ANKMY1: variants seen among roughly 807,000 people sequenced by gnomAD.
ANKMY1 encodes the protein ankyrin repeat and MYND domain containing 1, also known as ankyrin repeat and MYND domain-containing protein 1.
ANKMY1 carries 98 observed loss-of-function variants against 102.0 expected under a neutral mutation model. The observed-to-expected ratio is 0.96, with a 90% CI of 0.82 to 1.14. The LOEUF is 1.14. ANKMY1 is among the 50% of genes most tolerant of loss of function. The pLI, the probability that ANKMY1 is intolerant of heterozygous loss-of-function variation, is 0.00. For missense variants in ANKMY1, 1,330 were observed against 1,347.6 expected (o/e 0.99, Z 0.20); for synonymous variants, 582 against 559.9 (o/e 1.04, Z -0.56).
At chr2:240,560,853 G>A (rs2092922184), upstream of ANKMY1, 3 of 1,393,556 alleles carry the variant, frequency 2.2e-6, no homozygotes, top group South Asian at 1.6e-5. Context: ...CCAGCAGCCC[G>A]GCCCGCGCGC....
At chr2:240,544,159 G>A (rs1041989504) in intron 4 of ANKMY1, among the ~76,000 whole-genome samples, 2 of 152,100 alleles carry the variant, frequency 1.3e-5, no homozygotes, top group African/African-American at 4.8e-5. Flanking sequence ...TTATGAATAT[G>A]AAGATATATA....
intron 4 of ANKMY1, among the ~76,000 whole-genome samples, chr2:240,552,245 C>T (rs1023208255): frequency 3.9e-5 from 6 of 152,310 alleles, no homozygotes; most frequent in Admixed American, 2.6e-4. Flanking sequence ...CTAGAGCGAA[C>T]CCCTGGTGTT....
At chr2:240,510,679 AG>A (rs1426026775) in intron 11 of ANKMY1, among the ~76,000 whole-genome samples, 1 of 152,060 alleles carries the variant, frequency 6.6e-6, no homozygotes, top group East Asian at 1.9e-4. Context: ...AAGTCTGCTG[AG>A]GGGCTCCTGG....
In ANKMY1 at chr2:240,479,548, G is replaced by C; in HGVS notation, c.*61C>G. 1 of 1,577,324 alleles carries C rather than the reference G, an allele frequency of 6.3e-7. No individual in the cohort carries two copies. The highest frequency in any genetic ancestry group is 8.7e-7 in the Non-Finnish European group (1 of 1,148,158). On this transcript the variant is annotated 3_prime_UTR_variant, in exon 18 of 18. Transcript: ENST00000401804. Reference sequence around the variant, plus strand: ...TGGAAGATTCCCTGAGGTGGCTCAGGCAGGTAAGAAACCCACACAGTCCTG... The same window carrying C: ...TGGAAGATTCCCTGAGGTGGCTCAGCCAGGTAAGAAACCCACACAGTCCTG...
chr2:240,527,629 G>C (rs1320609862), intron 5 of ANKMY1: 1 of 150,872 alleles, frequency 6.6e-6, no homozygotes, highest in Non-Finnish European at 1.5e-5. Flanking sequence ...TAAGTGGGTG[G>C]ACTGATGAAT....
upstream of ANKMY1, chr2:240,560,774 C>G (rs977795360): frequency 2.1e-6 from 3 of 1,455,578 alleles, no homozygotes; most frequent in African/African-American, 4.4e-5. Flanking sequence ...TCCTCGGGAG[C>G]GCGCGAGCCG....
chr2:240,514,275 C>T (rs1033581245), intron 9 of ANKMY1, among the ~76,000 whole-genome samples: 1 of 152,188 alleles, frequency 6.6e-6, no homozygotes, highest in Admixed American at 6.5e-5. Context: ...TCTAACGTCT[C>T]TCAGGTAGGA....
intron 15 of ANKMY1, among the ~76,000 whole-genome samples, chr2:240,497,385 TCTA>T (rs2077403251): frequency 6.6e-6 from 1 of 152,236 alleles, no homozygotes; most frequent in Non-Finnish European, 1.5e-5. Context: ...CATGCCCTCT[TCTA>T]CTGTGTTCTT....
chr2:240,501,534 G>A (rs2078180747), intron 13 of ANKMY1, among the ~76,000 whole-genome samples: 1 of 152,102 alleles, frequency 6.6e-6, no homozygotes, highest in Non-Finnish European at 1.5e-5. Flanking sequence ...AAGGCTCACT[G>A]CTGTGTGCGT....
upstream of ANKMY1, chr2:240,561,051 G>C (rs1023226275): frequency 6.6e-7 from 1 of 1,504,486 alleles, no homozygotes; most frequent in Non-Finnish European, 8.8e-7. Flanking sequence ...GCGGCACCGC[G>C]GCCTCAGCCT....
Position 240,529,250 on chromosome 2 carries a change from A to G in ANKMY1, c.740T>C (p.Phe247Ser), listed in dbSNP as rs200212292. Residue 247 changes from phenylalanine (F) to serine (S), a missense_variant, in exon 5 of 18, where the codon TTT becomes TCT. Physicochemically the swap from Phe to Ser is radical, Grantham distance 155. Coordinates refer to ENST00000401804, the MANE Select transcript of ANKMY1 (RefSeq NM_001282771.3). This position sits in a 1 kb window ranked among gnomAD's most constrained non-coding sequence, Gnocchi z 4.2. ...CAGCGTTAGGTTGTCATTCAGAAGA[A>G]ACCGCTTATAGTCATAGAAAAAGGG... ...QDPFFYDYKR[F>S]LLNDNLTLPP... 506 of 1,614,180 alleles carry G rather than the reference A, an allele frequency of 3.1e-4. 3 individuals are homozygous for G. Among genetic ancestry groups the G allele is most frequent in the Non-Finnish European group, 2.5e-5 (29 of 1,180,032 alleles).
chr2:240,474,463 A>T (rs2074728239), downstream of ANKMY1, among the ~76,000 whole-genome samples: 1 of 152,032 alleles, frequency 6.6e-6, no homozygotes, highest in Non-Finnish European at 1.5e-5. Flanking sequence ...CAAGTTTCTT[A>T]TATAGGTAAA....
intron 9 of ANKMY1, among the ~76,000 whole-genome samples, chr2:240,514,773 C>A (rs1451075423): frequency 6.6e-6 from 1 of 152,234 alleles, no homozygotes; most frequent in Non-Finnish European, 1.5e-5. Flanking sequence ...GGACTTGAAG[C>A]CACAACTGCG....
In ANKMY1 at chr2:240,520,637, GTA is replaced by G. The variant is rs2152319730; in HGVS notation, c.1833-106_1833-105del. 5.8e-6 allele frequency: 8 copies of G among 1,375,380 alleles called. No homozygotes were observed. The South Asian group carries it at 1.0e-4, about 17-fold the overall frequency. 85.2% of individuals were successfully genotyped at this position (1,375,380 alleles called of 1,614,324 possible). On this transcript the variant is annotated intron_variant, in intron 8 of 17. Transcript: ENST00000401804. This position sits in a 1 kb window ranked among gnomAD's most constrained non-coding sequence, Gnocchi z 4.8. The stretch of plus-strand genomic sequence containing the variant: ...GAGGCTGGGGAGGGGCGCGTAGGGA[GTA>G]TGTGTGTGCCGCAACTACACAATCA...
Position 240,479,510 on chromosome 2 carries a change from G to A in ANKMY1, c.*99C>T. 1 of 1,393,156 alleles carries A rather than the reference G, an allele frequency of 7.2e-7. No individual in the cohort carries two copies. Among genetic ancestry groups the A allele is most frequent in the African/African-American group, 1.4e-5 (1 of 70,424 alleles). 86.3% of individuals were successfully genotyped at this position (1,393,156 alleles called of 1,614,324 possible). On this transcript the variant is annotated 3_prime_UTR_variant, in exon 18 of 18. Coordinates refer to ENST00000401804, the MANE Select transcript of ANKMY1 (RefSeq NM_001282771.3). ...AGCATGACCCCAAAGGTGCAGAAAT[G>A]CCTGCATTAGGCTGGAAGATTCCCT...
chr2:240,473,237 A>T, the ANKMY1 span, among the ~76,000 whole-genome samples: 1 of 151,664 alleles, frequency 6.6e-6, no homozygotes, highest in South Asian at 2.1e-4. Flanking sequence ...CAATCATCTT[A>T]AAAAAACTCA....
intron 4 of ANKMY1, among the ~76,000 whole-genome samples, chr2:240,549,124 G>T (rs1287567557): frequency 2.4e-3 from 357 of 151,170 alleles, no homozygotes; most frequent in South Asian, 9.0e-3. Context: ...ATACTACAAG[G>T]CTACAGTAAC....
At chr2:240,560,815 G>C (rs542332202), upstream of ANKMY1, 12 of 1,436,110 alleles carry the variant, frequency 8.4e-6, no homozygotes, top group South Asian at 7.0e-5. Context: ...GCGCGCGCGG[G>C]AGTCACGCTG....
intron 4 of ANKMY1, among the ~76,000 whole-genome samples, chr2:240,541,331 C>T (rs2088728429): frequency 6.6e-6 from 1 of 152,114 alleles, no homozygotes; most frequent in South Asian, 2.1e-4. Flanking sequence ...TTTCTTGCTG[C>T]AGCAGTTGGA....
Sources: allele counts gnomAD v4.1 joint callset (sites outside exome capture counted in the v4.1 genomes callset), GRCh38; gene constraint gnomAD v4.1.1; non-coding constraint Gnocchi (gnomAD v3.1); transcripts MANE v1.5; gene names NCBI Gene and HGNC (gene_info 2026-07-23, HGNC 2026-07-21).